PCDHGA5: variants seen among roughly 807,000 people sequenced by gnomAD.
PCDHGA5 encodes protocadherin gamma subfamily A, 5.
Under a neutral mutation model 56.7 loss-of-function variants are expected in PCDHGA5, and 36 were observed. The ratio of observed to expected loss-of-function variants is 0.64; its 90% CI spans 0.49 to 0.84. PCDHGA5 has a LOEUF of 0.84. Among genes scored for constraint, PCDHGA5 ranks in the 40% least tolerant of loss-of-function variants. The probability of loss-of-function intolerance (pLI) is 0.00; values close to 1 mark genes in which losing one functional copy is unlikely to be tolerated. For missense variants in PCDHGA5, 1,305 were observed against 1,201.5 expected (o/e 1.09, Z -1.27); for synonymous variants, 563 against 520.2 (o/e 1.08, Z -1.12).
intron 1 of PCDHGA5, chr5:141,370,587 A>G (rs775639424): frequency 6.8e-6 from 11 of 1,613,960 alleles, no homozygotes; most frequent in Non-Finnish European, 8.5e-6. Context: ...ACCTACTAGG[A>G]ACCTGCGGGT....
chr5:141,442,774 AT>A (rs2098342677), intron 1 of PCDHGA5, among the ~76,000 whole-genome samples: 1 of 152,188 alleles, frequency 6.6e-6, no homozygotes, highest in Non-Finnish European at 1.5e-5. Flanking sequence ...TATGTGTTTG[AT>A]TATATTTTAT....
chr5:141,433,634 G>T (rs2097636752), intron 1 of PCDHGA5, among the ~76,000 whole-genome samples: 1 of 152,078 alleles, frequency 6.6e-6, no homozygotes, highest in Admixed American at 6.5e-5. Flanking sequence ...TTGGGAGTTT[G>T]AGACCAGCCT....
chr5:141,385,068 C>G, intron 1 of PCDHGA5: 1 of 1,614,206 alleles, frequency 6.2e-7, no homozygotes, highest in South Asian at 1.1e-5. Context: ...ACAAGTCACG[C>G]CTGCTGCAGG....
chr5:141,389,750 C>A (rs751642051), intron 1 of PCDHGA5: 4 of 1,612,642 alleles, frequency 2.5e-6, no homozygotes, highest in African/African-American at 2.7e-5. Context: ...TGCGCACGGG[C>A]GAAGTGCGCA....
At chr5:141,481,216 G>T (rs2099534005) in intron 1 of PCDHGA5, among the ~76,000 whole-genome samples, 3 of 152,110 alleles carry the variant, frequency 2.0e-5, no homozygotes, top group Admixed American at 6.5e-5. Flanking sequence ...ACATGGTAAG[G>T]TCTCCCAGCC....
intron 1 of PCDHGA5, among the ~76,000 whole-genome samples, chr5:141,471,778 A>T (rs2099264151): frequency 6.6e-6 from 1 of 152,244 alleles, no homozygotes; most frequent in Non-Finnish European, 1.5e-5. Flanking sequence ...TGAGTTTGAC[A>T]TTATGCTATG....
intron 2 of PCDHGA5, among the ~76,000 whole-genome samples, chr5:141,498,994 AAGGAAGGAAGG>A (rs2099788184): frequency 2.0e-5 from 3 of 148,560 alleles, no homozygotes; most frequent in Non-Finnish European, 4.5e-5. Flanking sequence ...GGAAGGAAGG[AAGGAAGGAAGG>A]AAGGAAGGAA....
chr5:141,376,055 G>A lies in PCDHGA5; in HGVS notation c.2421+9304G>A, dbSNP rs746662537. On this transcript the variant is annotated intron_variant, in intron 1 of 3. Transcript: ENST00000518069. ...CGGCCAGCCCCCTCTCTCCGCCACTGTCACGCTCACCGTGGCCGTGGCCGA... is the reference window on the plus strand; with the variant it reads ...CGGCCAGCCCCCTCTCTCCGCCACTATCACGCTCACCGTGGCCGTGGCCGA... 4.3e-6 allele frequency: 7 copies of A among 1,613,232 alleles called. No homozygotes were observed. In the Admixed American group the frequency reaches 6.7e-5, roughly 15 times the overall value.
At chr5:141,433,207 TC>T (rs780557883) in intron 1 of PCDHGA5, 10 of 1,568,868 alleles carry the variant, frequency 6.4e-6, no homozygotes, top group African/African-American at 1.4e-5. Flanking sequence ...AAATCTTCTT[TC>T]TTTTTTTTTT....
chr5:141,401,712 A>G (rs987480271), intron 1 of PCDHGA5, among the ~76,000 whole-genome samples: 1 of 152,226 alleles, frequency 6.6e-6, no homozygotes, highest in Non-Finnish European at 1.5e-5. Flanking sequence ...TCCATTTTTA[A>G]GACAAAAACT....
chr5:141,449,900 A>G (rs2098658617), intron 1 of PCDHGA5, among the ~76,000 whole-genome samples: 2 of 151,878 alleles, frequency 1.3e-5, no homozygotes, highest in South Asian at 2.1e-4. Context: ...TATTTAGCCT[A>G]TAGTCCATAT....
chr5:141,415,270 G>A (rs1044469814), intron 1 of PCDHGA5: 1 of 1,614,118 alleles, frequency 6.2e-7, no homozygotes, highest in Non-Finnish European at 8.5e-7. Flanking sequence ...GTACCTGGTG[G>A]TAGCGGTGGC....
intron 1 of PCDHGA5, among the ~76,000 whole-genome samples, chr5:141,484,795 C>T (rs1265916821): frequency 6.6e-6 from 1 of 151,784 alleles, no homozygotes; most frequent in African/African-American, 2.4e-5. Context: ...AGATAACAAC[C>T]CGTGGAAAAA....
intron 1 of PCDHGA5, chr5:141,419,472 G>A (rs1392935171): frequency 6.2e-7 from 1 of 1,612,330 alleles, no homozygotes; most frequent in Non-Finnish European, 8.5e-7. Flanking sequence ...CGCGACCAGG[G>A]CTCGCCCGCG....
chr5:141,384,334 C>T, intron 1 of PCDHGA5: 1 of 1,613,846 alleles, frequency 6.2e-7, no homozygotes. Flanking sequence ...TGCACAGGAC[C>T]ACGACAGTGA....
chr5:141,469,711 T>C (rs894622720), intron 1 of PCDHGA5, among the ~76,000 whole-genome samples: 13 of 152,372 alleles, frequency 8.5e-5, no homozygotes, highest in African/African-American at 2.4e-4. Flanking sequence ...AATCACACTA[T>C]TAGGAATTTA....
intron 2 of PCDHGA5, among the ~76,000 whole-genome samples, chr5:141,503,269 C>A (rs1161751693): frequency 6.6e-6 from 1 of 152,116 alleles, no homozygotes; most frequent in Non-Finnish European, 1.5e-5. Context: ...ACCCCAGCAC[C>A]TGGCTCTGTG....
intron 1 of PCDHGA5, chr5:141,391,295 G>A (rs1373471979): frequency 6.6e-6 from 1 of 151,134 alleles, no homozygotes; most frequent in Non-Finnish European, 1.5e-5. Context: ...AGAAGGAAAC[G>A]TCTTTCGATT....
chr5:141,399,628 G>A (rs775633916), intron 1 of PCDHGA5: 23 of 1,613,772 alleles, frequency 1.4e-5, no homozygotes, highest in South Asian at 2.2e-5. Context: ...GGCCTCTTAC[G>A]TGTCCATGAG....
Sources: allele counts gnomAD v4.1 joint callset (sites outside exome capture counted in the v4.1 genomes callset), GRCh38; gene constraint gnomAD v4.1.1; transcripts MANE v1.5; gene names NCBI Gene and HGNC (gene_info 2026-07-23, HGNC 2026-07-21).